Variants in INPP4B observed in about 807,000 individuals in gnomAD.
INPP4B encodes inositol polyphosphate 4-phosphatase type II.
INPP4B carries 55 observed loss-of-function variants against 122.5 expected under a neutral mutation model. That is an observed-to-expected ratio of 0.45 (90% confidence interval 0.36 to 0.56). The LOEUF is 0.56. Among genes scored for constraint, INPP4B ranks in the 20% least tolerant of loss-of-function variants. The pLI, the probability that INPP4B is intolerant of heterozygous loss-of-function variation, is 0.00. For synonymous variants in INPP4B, 403 were observed against 388.7 expected (o/e 1.04, Z -0.43); for missense variants, 1,000 against 1,097.7 (o/e 0.91, Z 1.26).
chr4:142,705,729 G>A (rs1014308946), intron 2 of INPP4B, among the ~76,000 whole-genome samples: 3 of 152,066 alleles, frequency 2.0e-5, no homozygotes, highest in Non-Finnish European at 4.4e-5. Flanking sequence ...CATCTTTACA[G>A]CTGGCATTAT....
chr4:142,307,579 C>T (rs1442883812), intron 8 of INPP4B, among the ~76,000 whole-genome samples: 10 of 152,290 alleles, frequency 6.6e-5, no homozygotes, highest in Admixed American at 3.3e-4. Flanking sequence ...GCTACCTTTG[C>T]AGCTATTTAT....
At position 142,248,333 on chromosome 4, in the gene INPP4B, TCTC is replaced by T. The variant is rs1425118807; in HGVS notation, c.689-10325_689-10323del. ...GTCTCTGTGTTTCTCTCTCTCTCTC[TCTC>T]TTTTTTTTTTTTTTTTTTGAGATGG... On this transcript the variant is annotated intron_variant, in intron 11 of 25. Transcript: ENST00000262992. 7.1e-3 allele frequency among the ~76,000 whole-genome samples: 504 copies of T among 71,020 alleles called. 2 individuals are homozygous for T. Among genetic ancestry groups the T allele is most frequent in the South Asian group, 0.019 (25 of 1,300 alleles). The allele number at this position is 71,020 out of a possible 152,430, so 46.6% of individuals were successfully genotyped here.
In INPP4B at chr4:142,082,156, G is replaced by C; in HGVS notation, c.2517C>G (p.Phe839Leu). The change falls in exon 25 of 26, where the codon TTC becomes TTG. Residue 839 changes from phenylalanine to leucine, a missense_variant. By Grantham distance (22) the Phe-to-Leu change is conservative (BLOSUM62 0). Coordinates refer to ENST00000262992, the MANE Select transcript of INPP4B (RefSeq NM_001101669.3). The stretch of plus-strand genomic sequence containing the variant: ...TGTCTTTGGCACTTTTACAACAGGT[G>C]AAACGAATACCATTCAGTTTGCGGC... ...TICRKLNGIR[F>L]TCCKSAKDRT... 6.5e-7 allele frequency: 1 copy of C among 1,531,724 alleles called. No homozygotes were observed. Among genetic ancestry groups the C allele is most frequent in the Non-Finnish European group, 8.9e-7 (1 of 1,120,560 alleles). 94.9% of individuals were successfully genotyped at this position (1,531,724 alleles called of 1,614,324 possible).
At chr4:142,612,584 G>A (rs1410019545) in intron 2 of INPP4B, among the ~76,000 whole-genome samples, 1 of 152,152 alleles carries the variant, frequency 6.6e-6, no homozygotes, top group Non-Finnish European at 1.5e-5. Flanking sequence ...CTGAGATTAG[G>A]TTAGTGTAAA....
intron 1 of INPP4B, among the ~76,000 whole-genome samples, chr4:142,735,924 AACACACACACACACACACACACACACAC>A (rs33993491): frequency 2.8e-5 from 4 of 142,734 alleles, no homozygotes; most frequent in African/African-American, 7.8e-5. Flanking sequence ...TATACATTGC[AACACACACACACACACACACACACACAC>A]ACACACACAC....
intron 16 of INPP4B, among the ~76,000 whole-genome samples, chr4:142,170,196 G>C (rs974456231): frequency 2.0e-5 from 3 of 151,452 alleles, no homozygotes; most frequent in Admixed American, 6.6e-5. Flanking sequence ...GAAAAACTCA[G>C]CTTGGCTTTT....
At position 142,507,983 on chromosome 4, in the gene INPP4B, C is replaced by T. The variant is rs530680477; in HGVS notation, c.-190-45257G>A. 4.6e-5 allele frequency among the ~76,000 whole-genome samples: 7 copies of T among 152,154 alleles called. No individual in the cohort carries two copies. In the South Asian group the frequency reaches 1.5e-3, roughly 32 times the overall value. ...TTTTTACAGATTATAGGCCCCTGAC[C>T]CCCCTTTTCTTAAAGCATTACAACC... On this transcript the variant is annotated intron_variant, in intron 2 of 25. Coordinates refer to ENST00000262992, the MANE Select transcript of INPP4B (RefSeq NM_001101669.3).
intron 2 of INPP4B, among the ~76,000 whole-genome samples, chr4:142,698,974 G>A (rs1015794647): frequency 6.6e-6 from 1 of 152,016 alleles, no homozygotes; most frequent in Admixed American, 6.6e-5. Flanking sequence ...GGAGACTTTT[G>A]TTCAAGACTC....
intron 23 of INPP4B, among the ~76,000 whole-genome samples, chr4:142,104,563 C>T (rs1019138367): frequency 6.6e-6 from 1 of 152,146 alleles, no homozygotes. Flanking sequence ...AGCAGAACAA[C>T]TGTCTGAGAG....
At chr4:142,044,865 C>A (rs1560924599) in intron 25 of INPP4B, among the ~76,000 whole-genome samples, 1 of 152,116 alleles carries the variant, frequency 6.6e-6, no homozygotes, top group African/African-American at 2.4e-5. Context: ...TCCACAACCA[C>A]AAAGCATTCT....
intron 5 of INPP4B, among the ~76,000 whole-genome samples, chr4:142,417,311 T>A (rs1805975945): frequency 6.6e-6 from 1 of 152,126 alleles, no homozygotes; most frequent in African/African-American, 2.4e-5. Context: ...CTGTTTAAGG[T>A]CTTCTTGGCA....
chr4:142,564,901 T>C (rs1373917645), intron 2 of INPP4B, among the ~76,000 whole-genome samples: 1 of 152,144 alleles, frequency 6.6e-6, no homozygotes, highest in African/African-American at 2.4e-5. Context: ...GGACAAAATA[T>C]ATAAGGTTAT....
chr4:142,631,737 AATCT>A (rs1748000251), intron 2 of INPP4B, among the ~76,000 whole-genome samples: 2 of 152,186 alleles, frequency 1.3e-5, no homozygotes, highest in Non-Finnish European at 2.9e-5. Flanking sequence ...TCTGTCAGCT[AATCT>A]ATCTACAGAA....
At chr4:142,087,400 C>T (rs539676060) in intron 23 of INPP4B, among the ~76,000 whole-genome samples, 19 of 152,220 alleles carry the variant, frequency 1.2e-4, no homozygotes, top group African/African-American at 1.2e-4. Flanking sequence ...ATACTAAAAA[C>T]GGAGACAATG....
intron 23 of INPP4B, among the ~76,000 whole-genome samples, chr4:142,103,578 A>G (rs189313946): frequency 2.0e-5 from 3 of 152,232 alleles, no homozygotes; most frequent in Admixed American, 6.6e-5. Flanking sequence ...TCAGAAAAGG[A>G]ATCAACACTC....
intron 2 of INPP4B, among the ~76,000 whole-genome samples, chr4:142,583,185 A>G (rs928691778): frequency 1.3e-5 from 2 of 152,250 alleles, no homozygotes; most frequent in African/African-American, 4.8e-5. Context: ...TACCAATTTT[A>G]CATTTCAAAT....
intron 2 of INPP4B, among the ~76,000 whole-genome samples, chr4:142,520,161 T>G (rs1320117600): frequency 6.6e-6 from 1 of 152,060 alleles, no homozygotes; most frequent in African/African-American, 2.4e-5. Flanking sequence ...TAGAGCGGCA[T>G]GAATTACAGC....
intron 2 of INPP4B, among the ~76,000 whole-genome samples, chr4:142,689,269 ATCACTCTTTACC>A (rs1759810048): frequency 6.6e-6 from 1 of 152,154 alleles, no homozygotes; most frequent in African/African-American, 2.4e-5. Context: ...GGCAAAAAAC[ATCACTCTTTACC>A]TCACCTTTAC....
chr4:142,674,318 G>A (rs1356982762), intron 2 of INPP4B, among the ~76,000 whole-genome samples: 1 of 152,060 alleles, frequency 6.6e-6, no homozygotes, highest in Non-Finnish European at 1.5e-5. Context: ...GTACCTGCAT[G>A]CATCCCATCT....
Sources: gnomAD v4.1 joint callset for allele counts (sites outside exome capture counted in the v4.1 genomes callset) on GRCh38, gnomAD v4.1.1 for gene constraint, MANE v1.5 for transcripts, NCBI Gene and HGNC (gene_info 2026-07-23, HGNC 2026-07-21) for gene names.